CRYL1: variants seen among roughly 807,000 people sequenced by gnomAD.
The protein encoded by CRYL1 is crystallin lambda 1, also known as lambda-crystallin homolog.
Under a neutral mutation model 36.6 loss-of-function variants are expected in CRYL1, and 29 were observed. The ratio of observed to expected loss-of-function variants is 0.79; its 90% confidence interval spans 0.59 to 1.08. The LOEUF (loss-of-function observed/expected upper bound fraction) is 1.08. Among genes scored for constraint, CRYL1 ranks in the 50% least tolerant of loss-of-function variants. The pLI is 0.00. For synonymous variants in CRYL1, 152 were observed against 151.5 expected (o/e 1.00, Z -0.02); for missense variants, 411 against 407.9 (o/e 1.01, Z -0.06).
chr13:20,508,858 A>AAAAAC (rs1565988234), intron 2 of CRYL1, among the ~76,000 whole-genome samples: 3 of 29,826 alleles, frequency 1.0e-4, no homozygotes, highest in African/African-American at 2.5e-4. Context: ...CAAAAAAAAA[A>AAAAAC]AAAAAAAAAA....
chr13:20,508,848 CAAAAAAAAAAAA>C (rs1179533995), intron 2 of CRYL1, among the ~76,000 whole-genome samples: 3 of 10,452 alleles, frequency 2.9e-4, no homozygotes, highest in African/African-American at 9.6e-4. Context: ...AGCGAGACTC[CAAAAAAAAAAAA>C]AAAAAAAAAA....
At chr13:20,437,369 G>T (rs777298956) in intron 4 of CRYL1, among the ~76,000 whole-genome samples, 1 of 150,624 alleles carries the variant, frequency 6.6e-6, no homozygotes. Flanking sequence ...GTGCAGTGGC[G>T]CGATCTCGGC....
At chr13:20,489,683 C>T (rs908833037) in intron 2 of CRYL1, among the ~76,000 whole-genome samples, 187 bp from the exon 3 acceptor site, 2 of 152,206 alleles carry the variant, frequency 1.3e-5, no homozygotes, top group Admixed American at 6.5e-5. Flanking sequence ...GAAACTGGAA[C>T]CATTGTGCAC....
At chr13:20,452,998 A>T (rs953840803) in intron 3 of CRYL1, among the ~76,000 whole-genome samples, 1 of 152,242 alleles carries the variant, frequency 6.6e-6, no homozygotes, top group African/African-American at 2.4e-5. Context: ...TGAAAGGAGA[A>T]ATAAACAAAT....
chr13:20,471,473 C>T (rs1317233339), intron 3 of CRYL1, among the ~76,000 whole-genome samples: 6 of 151,864 alleles, frequency 4.0e-5, no homozygotes, highest in African/African-American at 1.2e-4. Context: ...GGTGTGGTGG[C>T]GGTCGCCTGT....
intron 5 of CRYL1, among the ~76,000 whole-genome samples, chr13:20,427,844 CA>C: frequency 2.0e-5 from 3 of 151,406 alleles, no homozygotes; most frequent in Non-Finnish European, 4.4e-5. Flanking sequence ...GATATCACTA[CA>C]GACCCTGCAG....
At chr13:20,420,855 C>T (rs1349073440) in intron 5 of CRYL1, among the ~76,000 whole-genome samples, 3 of 151,492 alleles carry the variant, frequency 2.0e-5, no homozygotes, top group African/African-American at 7.3e-5. Context: ...CCTGCCTCAG[C>T]CTCCCAAATA....
Position 20,507,735 on chromosome 13 carries a change from A to G in CRYL1, c.149+4708T>C, listed in dbSNP as rs182731875. On this transcript the variant is annotated intron_variant, in intron 2 of 7. Transcript: ENST00000298248. Reference sequence around the variant, plus strand: ...AGATCGAGACCATCCTGGCTAACACAGTGAAACCCCGTCTCTACTAAAAAT... The same window carrying G: ...AGATCGAGACCATCCTGGCTAACACGGTGAAACCCCGTCTCTACTAAAAAT... 6.5e-3 allele frequency among the ~76,000 whole-genome samples: 982 copies of G among 152,054 alleles called. 4 individuals carry two copies. The highest frequency in any genetic ancestry group is 0.013 in the East Asian group (65 of 5,164).
intron 1 of CRYL1, among the ~76,000 whole-genome samples, chr13:20,514,973 T>C (rs1244903529): frequency 6.6e-6 from 1 of 152,116 alleles, no homozygotes; most frequent in African/African-American, 2.4e-5. Flanking sequence ...ATGCAACAGA[T>C]ACAATGTGGC....
chr13:20,498,188 TAC>T (rs1367870890), intron 2 of CRYL1, among the ~76,000 whole-genome samples: 1 of 145,486 alleles, frequency 6.9e-6, no homozygotes, highest in African/African-American at 2.6e-5. Flanking sequence ...ATACACACTA[TAC>T]ACACGCCACC....
chr13:20,456,677 A>ACC (rs1309089509), intron 3 of CRYL1, among the ~76,000 whole-genome samples: 73 of 145,586 alleles, frequency 5.0e-4, no homozygotes, highest in African/African-American at 1.8e-3. Flanking sequence ...ACACACACAC[A>ACC]CCCCAGAATG....
chr13:20,472,780 C>T (rs941542999), intron 3 of CRYL1, among the ~76,000 whole-genome samples: 2 of 152,222 alleles, frequency 1.3e-5, no homozygotes, highest in African/African-American at 4.8e-5. Context: ...ACACCTTCTG[C>T]ATCTCCCAGG....
intron 6 of CRYL1, among the ~76,000 whole-genome samples, chr13:20,412,798 C>T (rs370549521): frequency 2.6e-5 from 4 of 152,206 alleles, no homozygotes; most frequent in African/African-American, 9.7e-5. Context: ...CCCTCCTCAG[C>T]TCCCAGCCTG....
At position 20,481,050 on chromosome 13, in the gene CRYL1, G is replaced by C. The variant is rs2033267087; in HGVS notation, c.276+8320C>G. Reference sequence around the variant, plus strand: ...GAAATAAGACCTCGTGCCCAGTTCTGTAAGCACACTATTTGAATAAAGCAA... The same window carrying C: ...GAAATAAGACCTCGTGCCCAGTTCTCTAAGCACACTATTTGAATAAAGCAA... On this transcript the variant is annotated intron_variant, in intron 3 of 7. Coordinates refer to ENST00000298248, the MANE Select transcript of CRYL1 (RefSeq NM_015974.3). This position sits in a 1 kb window ranked among gnomAD's most constrained non-coding sequence, Gnocchi z 4.1. Among the ~76,000 whole-genome samples the C allele has an allele frequency of 6.6e-6, 1 of 152,196 alleles. No individual in the cohort carries two copies. Among genetic ancestry groups the C allele is most frequent in the Non-Finnish European group, 1.5e-5 (1 of 68,028 alleles).
Position 20,420,701 on chromosome 13 carries a change from T to TTTTTTGTGTG in CRYL1, c.634-7315_634-7314insCACACAAAAA. Among the ~76,000 whole-genome samples the TTTTTTGTGTG allele has an allele frequency of 7.8e-4, 17 of 21,840 alleles. 6 individuals are homozygous for TTTTTTGTGTG. The highest frequency in any genetic ancestry group is 4.9e-3 in the Admixed American group (14 of 2,880). 14.3% of individuals were successfully genotyped at this position (21,840 alleles called of 152,430 possible). A position where few individuals can be genotyped will look rare whatever the true frequency, so the allele number is the denominator to read the frequency against. The stretch of plus-strand genomic sequence containing the variant: ...CTTTGACTTTTCTTTAAAATAGAGG[T>TTTTTTGTGTG]TGTGTGTGTGTGTGTGTGTGTGTGT... On this transcript the variant is annotated intron_variant, in intron 5 of 7. Coordinates refer to ENST00000298248, the MANE Select transcript of CRYL1 (RefSeq NM_015974.3).
chr13:20,478,172 T>C (rs1339036434), intron 3 of CRYL1, among the ~76,000 whole-genome samples: 1 of 151,990 alleles, frequency 6.6e-6, no homozygotes, highest in Non-Finnish European at 1.5e-5. Flanking sequence ...TAAATATGTA[T>C]GCCATGACCA....
chr13:20,413,534 A>T (rs1273351022), intron 5 of CRYL1, 147 bp from the exon 6 acceptor site: 1 of 571,460 alleles, frequency 1.7e-6, no homozygotes, highest in Non-Finnish European at 3.1e-6. Context: ...GAATATGCTT[A>T]TGACCAGACA....
At chr13:20,430,027 C>T (rs2032020961) in intron 5 of CRYL1, among the ~76,000 whole-genome samples, 1 of 152,088 alleles carries the variant, frequency 6.6e-6, no homozygotes, top group African/African-American at 2.4e-5. Context: ...TGCTCCCTCT[C>T]TGCCAGCCCT....
In CRYL1 at chr13:20,435,730, A is replaced by G. The variant is rs2032198013; in HGVS notation, c.439-3434T>C. Among the ~76,000 whole-genome samples, 1 of 152,150 alleles carries G rather than the reference A, an allele frequency of 6.6e-6. No individual in the cohort carries two copies. ...GGGCCTGCGCAGGCCGGCGGAGCAC[A>G]AGGGACGCATTCTTCCCCGCCGCCC... On this transcript the variant is annotated intron_variant, in intron 4 of 7. Coordinates refer to ENST00000298248, the MANE Select transcript of CRYL1 (RefSeq NM_015974.3). The surrounding 1 kb of genome is among the most constrained non-coding windows in gnomAD (Gnocchi z 4.0).
Sources: allele counts gnomAD v4.1 joint callset (sites outside exome capture counted in the v4.1 genomes callset), GRCh38; gene constraint gnomAD v4.1.1; non-coding constraint Gnocchi (gnomAD v3.1); transcripts MANE v1.5; gene names NCBI Gene and HGNC (gene_info 2026-07-23, HGNC 2026-07-21).